LINGO2: variants seen among roughly 807,000 people sequenced by gnomAD.
LINGO2 encodes leucine-rich repeat and immunoglobulin-like domain-containing nogo receptor-interacting protein 2.
LINGO2 carries 14 observed loss-of-function variants against 30.6 expected under a neutral mutation model. The observed-to-expected ratio is 0.46, with a 90% CI of 0.30 to 0.72. The LOEUF (loss-of-function observed/expected upper bound fraction) is 0.72. Among genes scored for constraint, LINGO2 ranks in the 30% least tolerant of loss-of-function variants. The pLI, the probability that LINGO2 is intolerant of heterozygous loss-of-function variation, is 0.07. For missense variants in LINGO2, 729 were observed against 751.7 expected (o/e 0.97, Z 0.35); for synonymous variants, 317 against 288.5 (o/e 1.10, Z -1.00).
intron 4 of LINGO2, among the ~76,000 whole-genome samples, chr9:28,166,375 A>T (rs1433173502): frequency 6.6e-6 from 1 of 152,166 alleles, no homozygotes; most frequent in Non-Finnish European, 1.5e-5. Context: ...CAGATTCCTC[A>T]GTGGGAGGTA....
the LINGO2 span, among the ~76,000 whole-genome samples, chr9:28,737,614 A>T: frequency 6.7e-6 from 1 of 148,824 alleles, no homozygotes; most frequent in Non-Finnish European, 1.5e-5. Context: ...AGAGCTCCCC[A>T]TGCAATCACC....
intron 2 of LINGO2, among the ~76,000 whole-genome samples, chr9:28,466,223 C>G (rs955764179): frequency 6.6e-6 from 1 of 152,104 alleles, no homozygotes; most frequent in Admixed American, 6.5e-5. Context: ...TACATGCCCA[C>G]AAACAGATGA....
chr9:28,020,921 C>CTTA (rs762658604), intron 4 of LINGO2, among the ~76,000 whole-genome samples: 1 of 151,892 alleles, frequency 6.6e-6, no homozygotes, highest in African/African-American at 2.4e-5. Context: ...GTGGCTTTTC[C>CTTA]TTATTATTAT....
At chr9:28,020,440 A>T (rs1275327134) in intron 4 of LINGO2, among the ~76,000 whole-genome samples, 1 of 152,144 alleles carries the variant, frequency 6.6e-6, no homozygotes, top group Non-Finnish European at 1.5e-5. Context: ...GAGACATGCG[A>T]ATCACTTTAA....
At chr9:28,892,032 G>A in the LINGO2 span, among the ~76,000 whole-genome samples, 204 of 151,918 alleles carry the variant, frequency 1.3e-3, no homozygotes, top group African/African-American at 4.7e-3. Context: ...AAAATAAACT[G>A]TTGGAAATAA....
chr9:27,971,413 G>T (rs544585213), intron 5 of LINGO2, among the ~76,000 whole-genome samples: 2 of 152,112 alleles, frequency 1.3e-5, no homozygotes, highest in Admixed American at 6.6e-5. Flanking sequence ...ATTGAGTTCT[G>T]CTCCATCGCC....
the LINGO2 span, among the ~76,000 whole-genome samples, chr9:28,908,168 CACA>C: frequency 2.0e-5 from 3 of 151,584 alleles, no homozygotes; most frequent in Admixed American, 6.6e-5. Context: ...CACACACACA[CACA>C]CATACAAAAC....
At chr9:28,640,999 G>C (rs375266401) in intron 1 of LINGO2, among the ~76,000 whole-genome samples, 3 of 152,040 alleles carry the variant, frequency 2.0e-5, no homozygotes, top group African/African-American at 7.2e-5. Flanking sequence ...TACAGATGGG[G>C]TTTTGGTGTG....
At chr9:28,307,772 C>T (rs1490127825) in intron 3 of LINGO2, among the ~76,000 whole-genome samples, 6 of 152,160 alleles carry the variant, frequency 3.9e-5, no homozygotes, top group Admixed American at 6.5e-5. Context: ...GACAAGCATT[C>T]TTATACACCA....
the LINGO2 span, among the ~76,000 whole-genome samples, chr9:28,761,683 T>C: frequency 6.6e-6 from 1 of 152,020 alleles, no homozygotes; most frequent in African/African-American, 2.4e-5. Context: ...CTTATAGTGA[T>C]AACCTTATAT....
At chr9:29,088,578 G>T in the LINGO2 span, among the ~76,000 whole-genome samples, 393 of 152,228 alleles carry the variant, frequency 2.6e-3, 1 homozygote, top group African/African-American at 8.9e-3. Context: ...AACTGGAATG[G>T]TGTTAGGAAA....
chr9:28,309,364 T>C (rs533774885), intron 3 of LINGO2, among the ~76,000 whole-genome samples: 1 of 148,454 alleles, frequency 6.7e-6, no homozygotes, highest in Non-Finnish European at 1.5e-5. Flanking sequence ...TTCTCACTCA[T>C]AGGTGGGAAT....
At chr9:28,644,440 G>A in intron 1 of LINGO2, among the ~76,000 whole-genome samples, 1 of 152,038 alleles carries the variant, frequency 6.6e-6, no homozygotes, top group African/African-American at 2.4e-5. Context: ...ACAAACACTC[G>A]ATATGTTCAC....
At chr9:28,295,756 T>C (rs553728192) in intron 3 of LINGO2, among the ~76,000 whole-genome samples, 1 of 152,104 alleles carries the variant, frequency 6.6e-6, no homozygotes, top group South Asian at 2.1e-4. Context: ...TGGGATGCAA[T>C]AGGGCAAAAC....
chr9:29,166,966 T>C, the LINGO2 span, among the ~76,000 whole-genome samples: 1 of 152,112 alleles, frequency 6.6e-6, no homozygotes. Context: ...GCTCACTTTA[T>C]TTTTAATAAG....
the LINGO2 span, among the ~76,000 whole-genome samples, chr9:28,821,920 C>A: frequency 1.3e-5 from 2 of 152,096 alleles, no homozygotes; most frequent in African/African-American, 4.8e-5. Flanking sequence ...GGAGACAATG[C>A]TGTGCCTCTC....
chr9:28,670,773 A>C (rs1828979129), upstream of LINGO2, among the ~76,000 whole-genome samples: 1 of 152,168 alleles, frequency 6.6e-6, no homozygotes, highest in African/African-American at 2.4e-5. Context: ...ATGGTTATCC[A>C]TCTGATAAGT....
chr9:28,202,015 G>A (rs966981559), intron 4 of LINGO2, among the ~76,000 whole-genome samples: 1 of 152,110 alleles, frequency 6.6e-6, no homozygotes, highest in African/African-American at 2.4e-5. Context: ...CCACAGTTTG[G>A]AGGTTTGCTG....
At chr9:29,026,803 G>A in the LINGO2 span, among the ~76,000 whole-genome samples, 2 of 151,996 alleles carry the variant, frequency 1.3e-5, no homozygotes, top group Non-Finnish European at 2.9e-5. Flanking sequence ...CAACATAGCT[G>A]TTACAGGTAT....
Sources: allele counts gnomAD v4.1 joint callset (sites outside exome capture counted in the v4.1 genomes callset), GRCh38; gene constraint gnomAD v4.1.1; transcripts MANE v1.5; gene names NCBI Gene and HGNC (gene_info 2026-07-23, HGNC 2026-07-21).